LRRIQ1: variants seen among roughly 807,000 people sequenced by gnomAD.
The protein encoded by LRRIQ1 is leucine rich repeats and IQ motif containing 1.
A neutral mutation model predicts 211.9 loss-of-function variants in LRRIQ1; 210 were observed. That is an observed-to-expected ratio of 0.99 (90% CI 0.89 to 1.11). The LOEUF (loss-of-function observed/expected upper bound fraction) is 1.11, where lower values mean the gene tolerates loss of function less well. Ranked by LOEUF, LRRIQ1 falls within the 50% of genes most tolerant of loss-of-function variation. The pLI is 0.00. For synonymous variants in LRRIQ1, 699 were observed against 650.1 expected, an observed-to-expected ratio of 1.08 and a Z score of -1.14; for missense variants, 2,136 against 1,939.5, an observed-to-expected ratio of 1.10 and a Z score of -1.90.
chr12:85,041,301 A>C (rs1480789422), intron 3 of LRRIQ1, among the ~76,000 whole-genome samples: 1 of 151,858 alleles, frequency 6.6e-6, no homozygotes, highest in Non-Finnish European at 1.5e-5. Context: ...AGAATACAGC[A>C]GTGAACAAAA....
At chr12:85,169,240 A>G (rs1252921420) in intron 24 of LRRIQ1, among the ~76,000 whole-genome samples, 2 of 152,154 alleles carry the variant, frequency 1.3e-5, no homozygotes, top group Non-Finnish European at 2.9e-5. Context: ...AAATCTTGTA[A>G]TCTGTTTTTT....
chr12:85,080,246 T>C (rs1466980180), intron 11 of LRRIQ1, among the ~76,000 whole-genome samples: 1 of 152,040 alleles, frequency 6.6e-6, no homozygotes, highest in Non-Finnish European at 1.5e-5. Context: ...TTTTTTTCTT[T>C]GTCCATTTTG....
chr12:85,200,091 C>G (rs970446782), intron 24 of LRRIQ1, among the ~76,000 whole-genome samples: 1 of 152,110 alleles, frequency 6.6e-6, no homozygotes, highest in Non-Finnish European at 1.5e-5. Flanking sequence ...TTGATTCTTC[C>G]TATGCATGAG....
chr12:85,232,119 T>C (rs921108859), intron 25 of LRRIQ1, among the ~76,000 whole-genome samples: 1 of 152,102 alleles, frequency 6.6e-6, no homozygotes, highest in African/African-American at 2.4e-5. Flanking sequence ...AAGTTATATA[T>C]AAAATTTTAA....
At chr12:85,241,383 T>C (rs974028089) in intron 26 of LRRIQ1, among the ~76,000 whole-genome samples, 10 of 152,072 alleles carry the variant, frequency 6.6e-5, no homozygotes, top group African/African-American at 2.2e-4. Context: ...GAAAAGATGA[T>C]GTATTATGAA....
chr12:85,160,518 T>C (rs529403849), intron 23 of LRRIQ1, 95 bp from the exon 24 acceptor site: 1 of 672,560 alleles, frequency 1.5e-6, no homozygotes, highest in Admixed American at 2.6e-5. Context: ...AAAGTGGATT[T>C]TTTTTTTACT....
the LRRIQ1 span, among the ~76,000 whole-genome samples, chr12:85,269,659 C>T: frequency 1.3e-5 from 2 of 152,094 alleles, no homozygotes; most frequent in Non-Finnish European, 1.5e-5. Context: ...AGCTAATCTA[C>T]TCAAGGGATT....
rs1287222837 is a variant in LRRIQ1 at position 85,056,373 on chromosome 12, T to C, written c.1580T>C (p.Leu527Ser). ...GGAAATCTGAAAGAACAGTTTCCAT[T>C]GCAAGAATTAAAGTCTGATGCACAA... is the stretch of plus-strand genomic sequence containing the variant. ...LKGNLKEQFP[L>S]QELKSDAQKE... Residue 527 changes from leucine (L) to serine (S), a missense_variant, in exon 8 of 27, where the codon TTG becomes TCG. Leu to Ser is a moderately radical substitution (Grantham distance 145). Coordinates refer to ENST00000393217, the MANE Select transcript of LRRIQ1 (RefSeq NM_001079910.2). The C allele has an allele frequency of 1.3e-6, 2 of 1,591,798 alleles. No individual in the cohort carries two copies. The highest frequency in any genetic ancestry group is 2.4e-5 in the South Asian group (2 of 84,878).
chr12:85,264,629 A>G (rs1252941708), downstream of LRRIQ1, among the ~76,000 whole-genome samples: 1 of 152,128 alleles, frequency 6.6e-6, no homozygotes, highest in South Asian at 2.1e-4. Flanking sequence ...TGGATAAAAC[A>G]TGAAAGAAAT....
chr12:85,160,761 G>T, intron 24 of LRRIQ1, 47 bp downstream of exon 24: 2 of 1,035,362 alleles, frequency 1.9e-6, no homozygotes, highest in Non-Finnish European at 2.8e-6. Flanking sequence ...GATAAAGAAA[G>T]ATTAAAAGAA....
intron 1 of LRRIQ1, among the ~76,000 whole-genome samples, chr12:85,037,568 T>C (rs761002236): frequency 4.0e-5 from 6 of 151,616 alleles, no homozygotes; most frequent in Non-Finnish European, 8.8e-5. Context: ...AAGTTATGGG[T>C]AGAACTGATT....
intron 18 of LRRIQ1, among the ~76,000 whole-genome samples, chr12:85,130,110 AAT>A (rs1335508747): frequency 1.3e-5 from 2 of 152,204 alleles, no homozygotes; most frequent in African/African-American, 4.8e-5. Flanking sequence ...CTCAGCTCTT[AAT>A]ATTAAAGACA....
rs1878425624 is a variant in LRRIQ1 at position 85,038,246 on chromosome 12, T to C, written c.70T>C (p.Leu24=). 2 of 1,587,664 alleles carry C rather than the reference T, an allele frequency of 1.3e-6. No individual in the cohort carries two copies. The highest frequency in any genetic ancestry group is 2.7e-5 in the African/African-American group (2 of 73,642). ...ATTGGATAAACTCAGCATTTCCTCCTTGGAAAAAGAAGACATTGAGAGTGA... is the reference window on the plus strand; with the variant it reads ...ATTGGATAAACTCAGCATTTCCTCCCTGGAAAAAGAAGACATTGAGAGTGA... ...AELDKLSISS[L]EKEDIESDAK... Residue 24 remains leucine, a synonymous_variant, in exon 2 of 27, where the codon TTG becomes CTG. Coordinates refer to ENST00000393217, the MANE Select transcript of LRRIQ1 (RefSeq NM_001079910.2).
intron 5 of LRRIQ1, among the ~76,000 whole-genome samples, chr12:85,046,906 A>T (rs997978809): frequency 1.3e-5 from 2 of 152,006 alleles, no homozygotes; most frequent in African/African-American, 4.8e-5. Flanking sequence ...GCAAGGACAA[A>T]AAACCAAAAA....
chr12:85,172,760 G>A (rs533823897), intron 24 of LRRIQ1, among the ~76,000 whole-genome samples: 2 of 152,094 alleles, frequency 1.3e-5, no homozygotes, highest in African/African-American at 4.8e-5. Context: ...CTATGTCAAA[G>A]GTTCGGGAAT....
chr12:85,061,688 A>C (rs1350227460), intron 8 of LRRIQ1, among the ~76,000 whole-genome samples: 1 of 151,758 alleles, frequency 6.6e-6, no homozygotes, highest in Non-Finnish European at 1.5e-5. Flanking sequence ...CTCAATTCTA[A>C]ATAATGTTTT....
intron 15 of LRRIQ1, among the ~76,000 whole-genome samples, chr12:85,120,638 T>C (rs1037929885): frequency 6.6e-6 from 1 of 152,224 alleles, no homozygotes; most frequent in Non-Finnish European, 1.5e-5. Context: ...ATCTGGACAA[T>C]ATTGAGTCTT....
chr12:85,198,124 T>G (rs1178241167), intron 24 of LRRIQ1, among the ~76,000 whole-genome samples: 6 of 121,422 alleles, frequency 4.9e-5, no homozygotes, highest in Non-Finnish European at 8.1e-5. Context: ...TAATATATAA[T>G]ATATATTATA....
chr12:85,162,937 T>A (rs370452498), intron 24 of LRRIQ1: 13 of 365,206 alleles, frequency 3.6e-5, no homozygotes, highest in African/African-American at 2.4e-4. Flanking sequence ...AAGTTTTTTT[T>A]AACAGTTAAT....
Sources: gnomAD v4.1 joint callset for allele counts (sites outside exome capture counted in the v4.1 genomes callset) on GRCh38, gnomAD v4.1.1 for gene constraint, MANE v1.5 for transcripts, NCBI Gene and HGNC (gene_info 2026-07-23, HGNC 2026-07-21) for gene names.